The following FBXL17 variants were observed in gnomAD, a reference collection of about 807,000 sequenced individuals.
FBXL17 encodes the protein F-box/LRR-repeat protein 17.
FBXL17 carries 22 observed loss-of-function variants against 66.2 expected under a neutral mutation model. The observed-to-expected ratio is 0.33, with a 90% CI of 0.24 to 0.47. The LOEUF is 0.47. Ranked by LOEUF, FBXL17 falls within the 20% of genes least tolerant of loss-of-function variation. The probability of loss-of-function intolerance (pLI) is 1.00; values close to 1 mark genes in which losing one functional copy is unlikely to be tolerated. For synonymous variants in FBXL17, 474 were observed against 400.5 expected (o/e 1.18, Z -2.19); for missense variants, 878 against 948.2 (o/e 0.93, Z 0.97).
rs140829877 is a variant in FBXL17 at position 108,217,111 on chromosome 5, C to T, written c.1614+7010G>A. 6.3e-3 allele frequency among the ~76,000 whole-genome samples: 965 copies of T among 152,186 alleles called. 8 individuals are homozygous for T. Among genetic ancestry groups the T allele is most frequent in the African/African-American group, 0.022 (919 of 41,514 alleles). On this transcript the variant is annotated intron_variant, in intron 5 of 8. Coordinates refer to ENST00000542267, the MANE Select transcript of FBXL17 (RefSeq NM_001163315.3). ...CCCAGGCCAAGCTGAGTCACACATT[C>T]GCCAAGACAGCCCACAGACTAAGCA...
intron 8 of FBXL17, among the ~76,000 whole-genome samples, chr5:107,867,987 T>G (rs1311823426): frequency 6.6e-6 from 1 of 152,198 alleles, no homozygotes; most frequent in Non-Finnish European, 1.5e-5. Flanking sequence ...AATATTTTAC[T>G]CAAATAACCA....
chr5:108,157,704 C>A (rs192180820), intron 6 of FBXL17, among the ~76,000 whole-genome samples: 1 of 151,286 alleles, frequency 6.6e-6, no homozygotes, highest in African/African-American at 2.4e-5. Context: ...AATATAAATA[C>A]TTGAGAAAAA....
chr5:108,329,568 G>A (rs1364411009), intron 4 of FBXL17, among the ~76,000 whole-genome samples: 1 of 151,962 alleles, frequency 6.6e-6, no homozygotes, highest in African/African-American at 2.4e-5. Context: ...TTCAAGTACT[G>A]GTACCTATGC....
chr5:108,114,817 T>C (rs1315068657), intron 6 of FBXL17, among the ~76,000 whole-genome samples: 1 of 152,188 alleles, frequency 6.6e-6, no homozygotes, highest in Admixed American at 6.6e-5. Flanking sequence ...TGGCTTGTGA[T>C]ACTACATCAT....
At chr5:108,163,720 C>A (rs1752308827) in intron 6 of FBXL17, among the ~76,000 whole-genome samples, 1 of 152,042 alleles carries the variant, frequency 6.6e-6, no homozygotes, top group East Asian at 1.9e-4. Flanking sequence ...TTTTTAAAAT[C>A]TGTACTGAAG....
At chr5:108,078,175 C>T (rs1748627522) in intron 6 of FBXL17, among the ~76,000 whole-genome samples, 1 of 152,220 alleles carries the variant, frequency 6.6e-6, no homozygotes, top group South Asian at 2.1e-4. Flanking sequence ...AATGCCACCA[C>T]ATGGGCTGGG....
intron 6 of FBXL17, among the ~76,000 whole-genome samples, chr5:108,058,131 G>A (rs757269995): frequency 4.6e-5 from 7 of 152,204 alleles, no homozygotes; most frequent in African/African-American, 1.2e-4. Context: ...ACACTCGGTA[G>A]TAATGGTAAT....
intron 4 of FBXL17, chr5:108,299,058 AC>A (rs1327974198): frequency 2.0e-6 from 2 of 977,342 alleles, no homozygotes; most frequent in Non-Finnish European, 2.4e-6. Flanking sequence ...ACATATCTGA[AC>A]AAAAAAGCCC....
chr5:108,324,036 C>T (rs1279022684), intron 4 of FBXL17, among the ~76,000 whole-genome samples: 4 of 151,912 alleles, frequency 2.6e-5, no homozygotes, highest in African/African-American at 9.7e-5. Context: ...GGCAATATTT[C>T]TAAGTTTTGA....
intron 6 of FBXL17, among the ~76,000 whole-genome samples, chr5:108,110,232 A>G (rs1176983363): frequency 6.6e-6 from 1 of 152,122 alleles, no homozygotes. Context: ...ACCTGAGCAT[A>G]ATTTTGAATT....
rs1002516222 is a variant in FBXL17, at chr5:108,210,093, T to C, written c.1614+14028A>G. ...ATTTCTTCCAGATTTTCTAGTTTAT[T>C]TGCATAGAGGTGTTTATAGTATTCT... On this transcript the variant is annotated intron_variant, in intron 5 of 8. Transcript: ENST00000542267. 2.0e-5 allele frequency among the ~76,000 whole-genome samples: 3 copies of C among 152,200 alleles called. No individual in the cohort carries two copies. The South Asian group carries it at 6.2e-4, about 32-fold the overall frequency.
chr5:108,032,283 G>GC (rs1375811064), intron 6 of FBXL17, among the ~76,000 whole-genome samples: 1 of 151,994 alleles, frequency 6.6e-6, no homozygotes, highest in Non-Finnish European at 1.5e-5. Flanking sequence ...ACGTAGAGCA[G>GC]CACCTAGCAT....
chr5:108,151,685 C>G (rs913124539), intron 6 of FBXL17, among the ~76,000 whole-genome samples: 12 of 152,158 alleles, frequency 7.9e-5, no homozygotes, highest in African/African-American at 2.9e-4. Context: ...AAAATCAAAA[C>G]TAATCTTTCT....
chr5:108,027,037 T>C (rs1243537719), intron 6 of FBXL17, among the ~76,000 whole-genome samples: 2 of 152,154 alleles, frequency 1.3e-5, no homozygotes, highest in Non-Finnish European at 2.9e-5. Context: ...GGTTTTCTCA[T>C]TGGAGAACAG....
intron 6 of FBXL17, among the ~76,000 whole-genome samples, chr5:108,090,427 T>C (rs552425378): frequency 2.0e-5 from 3 of 152,144 alleles, no homozygotes; most frequent in Middle Eastern, 3.4e-3. Flanking sequence ...CATTTAATGG[T>C]CCCCCCTTTT....
chr5:107,943,060 T>C (rs1751166942), intron 7 of FBXL17, among the ~76,000 whole-genome samples: 1 of 152,168 alleles, frequency 6.6e-6, no homozygotes, highest in Non-Finnish European at 1.5e-5. Context: ...GGGTATTTGC[T>C]TGCTCTTGCT....
At chr5:108,051,451 T>C (rs1423257186) in intron 6 of FBXL17, among the ~76,000 whole-genome samples, 3 of 152,126 alleles carry the variant, frequency 2.0e-5, no homozygotes, top group East Asian at 1.9e-4. Flanking sequence ...AATAAATAAA[T>C]GTAATCCATC....
At chr5:108,079,405 C>T (rs900590645) in intron 6 of FBXL17, among the ~76,000 whole-genome samples, 4 of 151,866 alleles carry the variant, frequency 2.6e-5, no homozygotes, top group African/African-American at 9.7e-5. Context: ...AATAGGACGT[C>T]TGAAGATACA....
intron 7 of FBXL17, among the ~76,000 whole-genome samples, chr5:107,931,901 C>G (rs920793045): frequency 2.0e-5 from 3 of 152,114 alleles, no homozygotes; most frequent in Non-Finnish European, 4.4e-5. Context: ...CATACAGGTG[C>G]CTTTCCAATT....
Sources: gnomAD v4.1 joint callset for allele counts (sites outside exome capture counted in the v4.1 genomes callset) on GRCh38, gnomAD v4.1.1 for gene constraint, MANE v1.5 for transcripts, NCBI Gene and HGNC (gene_info 2026-07-23, HGNC 2026-07-21) for gene names.